NALF1: variants seen among roughly 807,000 people sequenced by gnomAD.
NALF1 encodes the protein family with sequence similarity 155 member A.
A neutral mutation model predicts 48.4 loss-of-function variants in NALF1; 3 were observed. The observed-to-expected ratio is 0.06, with a 90% confidence interval of 0.03 to 0.16. The LOEUF (loss-of-function observed/expected upper bound fraction) is 0.16. Ranked by LOEUF, NALF1 falls within the 10% of genes least tolerant of loss-of-function variation. NALF1 has a pLI of 1.00. For missense variants in NALF1, 526 were observed against 571.5 expected, an observed-to-expected ratio of 0.92 and a Z score of 0.81; for synonymous variants, 262 against 245.7, an observed-to-expected ratio of 1.07 and a Z score of -0.62.
intron 1 of NALF1, among the ~76,000 whole-genome samples, chr13:107,672,167 A>G (rs888664035): frequency 6.6e-6 from 1 of 152,176 alleles, no homozygotes; most frequent in African/African-American, 2.4e-5. Context: ...ACCAGCTATG[A>G]AGCATCTTTA....
intron 1 of NALF1, among the ~76,000 whole-genome samples, chr13:107,229,647 G>A (rs552736703): frequency 6.6e-6 from 1 of 152,254 alleles, no homozygotes; most frequent in African/African-American, 2.4e-5. Flanking sequence ...CCACACCCAT[G>A]AACATTTATA....
intron 1 of NALF1, among the ~76,000 whole-genome samples, chr13:107,262,766 G>GAC (rs1555329313): frequency 2.9e-4 from 11 of 37,862 alleles, no homozygotes; most frequent in Non-Finnish European, 5.3e-4. Flanking sequence ...ATAACCCACA[G>GAC]GCGCTCTCTC....
chr13:107,557,998 A>G (rs1255260317), intron 1 of NALF1, among the ~76,000 whole-genome samples: 1 of 152,140 alleles, frequency 6.6e-6, no homozygotes, highest in African/African-American at 2.4e-5. Flanking sequence ...CATACTGGAA[A>G]GGTGTCGGCA....
At chr13:107,357,183 A>G (rs1594135149) in intron 1 of NALF1, among the ~76,000 whole-genome samples, 1 of 152,206 alleles carries the variant, frequency 6.6e-6, no homozygotes, top group East Asian at 1.9e-4. Flanking sequence ...TCCCAGTTCC[A>G]CATGGCTGTG....
chr13:107,864,499 C>G (rs1280688926), intron 1 of NALF1, among the ~76,000 whole-genome samples: 1 of 152,118 alleles, frequency 6.6e-6, no homozygotes, highest in Admixed American at 6.5e-5. Context: ...GCAAGTGAGA[C>G]AGAGGAACAG....
At chr13:107,227,874 AG>A (rs1347531429) in intron 1 of NALF1, among the ~76,000 whole-genome samples, 2 of 152,266 alleles carry the variant, frequency 1.3e-5, no homozygotes, top group Admixed American at 1.3e-4. Context: ...TATCAGAAAA[AG>A]TAAAATATAA....
chr13:107,551,411 A>G (rs1311450999), intron 1 of NALF1, among the ~76,000 whole-genome samples: 7 of 152,164 alleles, frequency 4.6e-5, no homozygotes, highest in Non-Finnish European at 7.4e-5. Context: ...TGACAACACA[A>G]CAAACCCTAC....
In NALF1 at chr13:107,401,583, T is replaced by C. The variant is rs144948385; in HGVS notation, c.916-190828A>G. Reference sequence around the variant, plus strand: ...AAATGGTTTTTCTATGACAGGCTTTTCTCTGGAGTTGTTCATTTCCATGTC... The same window carrying C: ...AAATGGTTTTTCTATGACAGGCTTTCCTCTGGAGTTGTTCATTTCCATGTC... On this transcript the variant is annotated intron_variant, in intron 1 of 2. Coordinates refer to ENST00000375915, the MANE Select transcript of NALF1 (RefSeq NM_001080396.3). Among the ~76,000 whole-genome samples, 41 of 152,292 alleles carry C rather than the reference T, an allele frequency of 2.7e-4. No individual in the cohort carries two copies. In the East Asian group the frequency reaches 7.7e-3, roughly 29 times the overall value.
At chr13:107,758,572 T>G (rs1465980731) in intron 1 of NALF1, among the ~76,000 whole-genome samples, 2 of 151,824 alleles carry the variant, frequency 1.3e-5, no homozygotes, top group Non-Finnish European at 2.9e-5. Flanking sequence ...ATACAAAAAA[T>G]TAGCTGGGTG....
At chr13:107,258,135 CA>C (rs1373664020) in intron 1 of NALF1, among the ~76,000 whole-genome samples, 1 of 152,066 alleles carries the variant, frequency 6.6e-6, no homozygotes, top group East Asian at 1.9e-4. Context: ...TTGGTAATGG[CA>C]AAAGACCGCA....
rs536140743 is a variant in NALF1, at chr13:107,285,305, T to C, written c.916-74550A>G. Among the ~76,000 whole-genome samples the C allele has an allele frequency of 9.2e-5, 14 of 152,266 alleles. No homozygotes were observed. The South Asian group carries it at 1.4e-3, about 16-fold the overall frequency. On this transcript the variant is annotated intron_variant, in intron 1 of 2. Transcript: ENST00000375915. ...CCCTAGATATATGGGTGAATAACCA[T>C]GTGGTTATTCCCATACAACTTCTGA...
At chr13:107,267,687 C>A (rs1368277001) in intron 1 of NALF1, among the ~76,000 whole-genome samples, 1 of 152,158 alleles carries the variant, frequency 6.6e-6, no homozygotes. Flanking sequence ...AGATTAACAA[C>A]AATAATGAAT....
chr13:107,594,703 T>A (rs1191777139), intron 1 of NALF1, among the ~76,000 whole-genome samples: 1 of 152,092 alleles, frequency 6.6e-6, no homozygotes, highest in African/African-American at 2.4e-5. Context: ...TACAATAGTA[T>A]TTGAGTGACC....
At position 107,363,458 on chromosome 13, in the gene NALF1, G is replaced by A. The variant is rs1883100593; in HGVS notation, c.916-152703C>T. ...AAATAAAAGTAAAAAGATTATTGGG[G>A]CATGGTGGCACACGCCTATAGTCCC... On this transcript the variant is annotated intron_variant, in intron 1 of 2. Transcript: ENST00000375915. Among the ~76,000 whole-genome samples, 5 of 152,080 alleles carry A rather than the reference G, an allele frequency of 3.3e-5. 1 individual carries two copies. The South Asian group carries it at 1.0e-3, about 32-fold the overall frequency.
intron 1 of NALF1, among the ~76,000 whole-genome samples, chr13:107,211,723 AT>A (rs1452150062): frequency 1.3e-5 from 2 of 152,178 alleles, no homozygotes; most frequent in Non-Finnish European, 2.9e-5. Flanking sequence ...TCCAAGTAAC[AT>A]TTTGCCGGTT....
intron 1 of NALF1, among the ~76,000 whole-genome samples, chr13:107,709,359 G>A (rs1875500622): frequency 6.6e-6 from 1 of 152,208 alleles, no homozygotes; most frequent in African/African-American, 2.4e-5. Context: ...ACGGTCTGAG[G>A]AGCTGAGCTG....
At chr13:107,385,961 G>A (rs1883524036) in intron 1 of NALF1, among the ~76,000 whole-genome samples, 1 of 152,070 alleles carries the variant, frequency 6.6e-6, no homozygotes, top group Non-Finnish European at 1.5e-5. Context: ...TTTCACAACT[G>A]CAAAATTAAA....
chr13:107,511,181 G>A (rs1283471460), intron 1 of NALF1, among the ~76,000 whole-genome samples: 2 of 152,218 alleles, frequency 1.3e-5, no homozygotes, highest in African/African-American at 4.8e-5. Flanking sequence ...GAAGTTTGAA[G>A]TGACTTCTTC....
intron 1 of NALF1, among the ~76,000 whole-genome samples, chr13:107,382,540 A>T (rs1883459175): frequency 6.6e-6 from 1 of 152,230 alleles, no homozygotes; most frequent in Admixed American, 6.5e-5. Flanking sequence ...CAGAACTAAG[A>T]GAAATAAATA....
Sources: gnomAD v4.1 joint callset for allele counts (sites outside exome capture counted in the v4.1 genomes callset) on GRCh38, gnomAD v4.1.1 for gene constraint, MANE v1.5 for transcripts, NCBI Gene and HGNC (gene_info 2026-07-23, HGNC 2026-07-21) for gene names.